The following ABCC3 variants were observed in gnomAD, a reference collection of about 807,000 sequenced individuals.
The protein encoded by ABCC3 is ATP binding cassette subfamily C member 3, also known as ATP-binding cassette sub-family C member 3.
Under a neutral mutation model 165.3 loss-of-function variants are expected in ABCC3, and 121 were observed. The ratio of observed to expected loss-of-function variants is 0.73; its 90% CI spans 0.63 to 0.85. The LOEUF (loss-of-function observed/expected upper bound fraction) is 0.85. Among genes scored for constraint, ABCC3 ranks in the 40% least tolerant of loss-of-function variants. The probability of loss-of-function intolerance (pLI) is 0.00; values close to 1 mark genes in which losing one functional copy is unlikely to be tolerated. For missense variants in ABCC3, 1,869 were observed against 1,964.1 expected, an observed-to-expected ratio of 0.95 and a Z score of 0.92; for synonymous variants, 733 against 810.1, an observed-to-expected ratio of 0.90 and a Z score of 1.62.
intron 20 of ABCC3, 53 bp downstream of exon 20, chr17:50,675,529 G>A (rs2072366): frequency 0.65 from 1,037,382 of 1,590,330 alleles, 341,013 homozygotes; most frequent in East Asian, 0.77. Context: ...GGCCTCCCCA[G>A]GCCCTGCCAG....
At chr17:50,642,164 G>A (rs1000541529) in intron 1 of ABCC3, among the ~76,000 whole-genome samples, 6 of 152,234 alleles carry the variant, frequency 3.9e-5, no homozygotes, top group African/African-American at 1.4e-4. Flanking sequence ...ACAGGAGGAA[G>A]GAACTGCCAT....
rs754489613 is a variant in ABCC3 at position 50,672,995 on chromosome 17, C to T, written c.2266C>T (p.Arg756Trp). 7.4e-6 allele frequency: 12 copies of T among 1,613,720 alleles called. No individual in the cohort carries two copies. Among genetic ancestry groups the T allele is most frequent in the Admixed American group, 3.3e-5 (2 of 59,992 alleles). Residue 756 changes from arginine to tryptophan, a missense_variant, in exon 18 of 31, where the codon CGG (arginine) becomes TGG (tryptophan). Arg to Trp is a moderately radical substitution (Grantham distance 101). Transcript: ENST00000285238. The stretch of plus-strand genomic sequence containing the variant: ...GGGCATTAACCTGTCTGGGGGCCAG[C>T]GGCAGCGGGTCAGTCTGGCTCGAGC... Reference protein sequence around the residue: ...EKGINLSGGQRQRVSLARAVY... With the variant: ...EKGINLSGGQWQRVSLARAVY...
chr17:50,665,616 T>A (rs201464280), intron 11 of ABCC3, among the ~76,000 whole-genome samples: 25,685 of 151,324 alleles, frequency 0.17, 3,000 homozygotes, highest in African/African-American at 0.32. Flanking sequence ...TTCTTTTTTT[T>A]TTTTTTTGAG....
At position 50,691,612 on chromosome 17, in the gene ABCC3, C is replaced by A; in HGVS notation, c.*412C>A. The A allele has an allele frequency of 4.7e-6, 1 of 214,392 alleles. No individual in the cohort carries two copies. Among genetic ancestry groups the A allele is most frequent in the Non-Finnish European group, 9.6e-6 (1 of 104,388 alleles). 13.3% of individuals were successfully genotyped at this position (214,392 alleles called of 1,614,324 possible). On this transcript the variant is annotated 3_prime_UTR_variant, in exon 31 of 31. Coordinates refer to ENST00000285238, the MANE Select transcript of ABCC3 (RefSeq NM_003786.4). ...AGAAGACAGCTGCTGGGTCAGGCCACCCCTAGGAACTCAGTCCTGTACTCT... is the reference window on the plus strand; with the variant it reads ...AGAAGACAGCTGCTGGGTCAGGCCAACCCTAGGAACTCAGTCCTGTACTCT...
chr17:50,658,532 G>A (rs765385989), intron 6 of ABCC3, 36 bp downstream of exon 6: 8 of 1,595,680 alleles, frequency 5.0e-6, no homozygotes, highest in East Asian at 4.5e-5. Flanking sequence ...GCCAGAGGGA[G>A]GGGAGGGATG....
Position 50,667,680 on chromosome 17 carries a change from G to A in ABCC3, c.1558G>A (p.Gly520Ser). Residue 520 changes from glycine to serine, a missense_variant, in exon 12 of 31, where the codon GGT becomes AGT. Transcript: ENST00000285238. ...FLKQVEGIRQGELQLLRTAAY... is the reference protein window; with the variant it reads ...FLKQVEGIRQSELQLLRTAAY... ...GAAGCAGGTGGAGGGCATCAGGCAGGGTGAGCTCCAGCTGCTGCGCACGGC... is the reference window on the plus strand; with the variant it reads ...GAAGCAGGTGGAGGGCATCAGGCAGAGTGAGCTCCAGCTGCTGCGCACGGC... 1 of 1,614,176 alleles carries A rather than the reference G, an allele frequency of 6.2e-7. No individual in the cohort carries two copies. Among genetic ancestry groups the A allele is most frequent in the Non-Finnish European group, 8.5e-7 (1 of 1,180,032 alleles).
chr17:50,664,194 C>A, intron 10 of ABCC3, 83 bp downstream of exon 10: 1 of 1,549,494 alleles, frequency 6.5e-7, no homozygotes, highest in Non-Finnish European at 8.8e-7. Flanking sequence ...GAACTGGGAG[C>A]ATGGCACATG....
At chr17:50,680,428 C>T (rs527249088) in intron 26 of ABCC3, among the ~76,000 whole-genome samples, 3 of 152,266 alleles carry the variant, frequency 2.0e-5, no homozygotes, top group East Asian at 1.9e-4. Context: ...CGCCCCCTCT[C>T]ATGGTCACAC....
Position 50,657,094 on chromosome 17 carries a change from T to C in ABCC3, c.397T>C (p.Ser133Pro), listed in dbSNP as rs766924418. Residue 133 changes from serine to proline, a missense_variant, in exon 4 of 31, where the codon TCT (serine) becomes CCT (proline). Transcript: ENST00000285238. ...IQYERLQGVQ[S>P]SGVLIIFWFL... is the part of the protein sequence containing the mutation. ...GTATGAGCGGCTGCAGGGCGTACAG[T>C]CTTCGGGGGTCCTCATTATCTTCTG... is the stretch of plus-strand genomic sequence containing the variant. The C allele has an allele frequency of 3.7e-6, 6 of 1,614,152 alleles. No homozygotes were observed. The highest frequency in any genetic ancestry group is 1.6e-4 in the Middle Eastern group (1 of 6,062).
chr17:50,635,005 A>T lies in ABCC3; in HGVS notation c.45+24A>T, dbSNP rs1389167517. 3 of 1,255,312 alleles carry T rather than the reference A, an allele frequency of 2.4e-6. No individual in the cohort carries two copies. The African/African-American group carries it at 4.6e-5, about 19-fold the overall frequency. The allele number at this position is 1,255,312 out of a possible 1,614,324, so 77.8% of individuals were successfully genotyped here. A position where few individuals can be genotyped will look rare whatever the true frequency, so the allele number is the denominator to read the frequency against. ...GGGTAAGGCGCGGGGCTCCGGGGTC[A>T]CTGCGCGGGGGCCAGGGTCGGCCGG... On this transcript the variant is annotated intron_variant, in intron 1 of 30. Transcript: ENST00000285238.
chr17:50,667,702 C>T lies in ABCC3; in HGVS notation c.1580C>T (p.Thr527Met), dbSNP rs1003354. Residue 527 changes from threonine to methionine, a missense_variant, in exon 12 of 31, where the codon ACG becomes ATG. By Grantham distance (81) the Thr-to-Met change is moderately conservative. Transcript: ENST00000285238. ...CAGGGTGAGCTCCAGCTGCTGCGCA[C>T]GGCGGCCTACCTCCACACCACAACC... Reference protein sequence around the residue: ...IRQGELQLLRTAAYLHTTTTF... With the variant: ...IRQGELQLLRMAAYLHTTTTF... 5.6e-6 allele frequency: 9 copies of T among 1,614,118 alleles called. No homozygotes were observed. In the Admixed American group the frequency reaches 6.7e-5, roughly 12 times the overall value.
rs556270973 is a variant in ABCC3, at chr17:50,675,801, G to C, written c.2859+26G>C. On this transcript the variant is annotated intron_variant, in intron 21 of 30. Coordinates refer to ENST00000285238, the MANE Select transcript of ABCC3 (RefSeq NM_003786.4). Reference sequence around the variant, plus strand: ...GTGAGTCGGTGGGGCAAGAGGGGCTGGAGGGGATGGACAGGCAGGCCCCAG... The same window carrying C: ...GTGAGTCGGTGGGGCAAGAGGGGCTCGAGGGGATGGACAGGCAGGCCCCAG... The C allele has an allele frequency of 1.2e-5, 19 of 1,585,870 alleles. No homozygotes were observed. The East Asian group carries it at 3.4e-4, about 29-fold the overall frequency.
intron 4 of ABCC3, 148 bp downstream of exon 4, chr17:50,657,331 A>G: frequency 8.8e-7 from 1 of 1,141,088 alleles, no homozygotes; most frequent in Non-Finnish European, 1.2e-6. Flanking sequence ...CTACATTTCT[A>G]CCTGGAAGCA....
At chr17:50,655,715 G>A (rs1354442070) in intron 1 of ABCC3, 117 bp from the exon 2 acceptor site, 36 of 911,234 alleles carry the variant, frequency 4.0e-5, no homozygotes, top group Non-Finnish European at 5.7e-5. Context: ...CTCCTCACCT[G>A]TCTTCCACTC....
chr17:50,673,980 C>CCTTCCT (rs1967725508), intron 19 of ABCC3, among the ~76,000 whole-genome samples: 13 of 9,366 alleles, frequency 1.4e-3, no homozygotes, highest in Non-Finnish European at 2.0e-3. Flanking sequence ...TTCTTTCTTT[C>CCTTCCT]TCTCTCTCTC....
intron 11 of ABCC3, 95 bp from the exon 12 acceptor site, chr17:50,667,459 T>C: frequency 8.7e-7 from 1 of 1,143,540 alleles, no homozygotes; most frequent in Non-Finnish European, 1.3e-6. Flanking sequence ...GTGGAATGGC[T>C]GCAATGGATG....
chr17:50,676,687 A>T, intron 23 of ABCC3, 99 bp downstream of exon 23: 3 of 1,181,664 alleles, frequency 2.5e-6, no homozygotes, highest in East Asian at 2.5e-5. Flanking sequence ...GGCCACCAAC[A>T]TTACAGAGTT....
rs757124918 is a variant in ABCC3 at position 50,661,042 on chromosome 17, C to T, written c.926C>T (p.Ser309Phe). ...FLKALLATFG[S>F]SFLISACFKL... The stretch of plus-strand genomic sequence containing the variant: ...AAGGCCCTGCTGGCCACCTTCGGCT[C>T]CAGCTTCCTCATCAGTGCCTGCTTC... The change falls in exon 8 of 31, where the codon TCC becomes TTC. Residue 309 changes from serine (S) to phenylalanine (F), a missense_variant. By Grantham distance (155) the Ser-to-Phe change is radical (BLOSUM62 -2). Transcript: ENST00000285238. The T allele has an allele frequency of 6.2e-7, 1 of 1,614,232 alleles. No homozygotes were observed. The highest frequency in any genetic ancestry group is 2.2e-5 in the East Asian group (1 of 44,876).
intron 10 of ABCC3, 70 bp from the exon 11 acceptor site, chr17:50,665,083 C>A: frequency 7.3e-7 from 1 of 1,376,466 alleles, no homozygotes; most frequent in Non-Finnish European, 1.0e-6. Flanking sequence ...CTCTGTTTGC[C>A]TGTTGGGTTC....
Sources: gnomAD v4.1 joint callset for allele counts (sites outside exome capture counted in the v4.1 genomes callset) on GRCh38, gnomAD v4.1.1 for gene constraint, MANE v1.5 for transcripts, NCBI Gene and HGNC (gene_info 2026-07-23, HGNC 2026-07-21) for gene names.